Variants in KIAA1755 observed in about 807,000 individuals in gnomAD.
The protein encoded by KIAA1755 is uncharacterized protein KIAA1755.
KIAA1755 carries 68 observed loss-of-function variants against 91.7 expected under a neutral mutation model. The ratio of observed to expected loss-of-function variants is 0.74; its 90% confidence interval spans 0.61 to 0.91. The LOEUF is 0.91. Among genes scored for constraint, KIAA1755 ranks in the 40% least tolerant of loss-of-function variants. The probability of loss-of-function intolerance (pLI) is 0.00; values close to 1 mark genes in which losing one functional copy is unlikely to be tolerated. For missense variants in KIAA1755, 1,535 were observed against 1,494.4 expected, an observed-to-expected ratio of 1.03 and a Z score of -0.45; for synonymous variants, 610 against 604.6, an observed-to-expected ratio of 1.01 and a Z score of -0.13.
At chr20:38,239,140 G>A (rs1475981347) in intron 4 of KIAA1755, among the ~76,000 whole-genome samples, 1 of 152,190 alleles carries the variant, frequency 6.6e-6, no homozygotes, top group Admixed American at 6.5e-5. Context: ...TCTCCTTGGG[G>A]TCAGCCCACA....
At chr20:38,230,224 A>C (rs1354690698) in intron 5 of KIAA1755, among the ~76,000 whole-genome samples, 1 of 152,244 alleles carries the variant, frequency 6.6e-6, no homozygotes, top group South Asian at 2.1e-4. Flanking sequence ...GAGTCCACTC[A>C]TCATTCATTC....
chr20:38,236,022 G>C (rs1406730061), intron 4 of KIAA1755, among the ~76,000 whole-genome samples: 1 of 152,208 alleles, frequency 6.6e-6, no homozygotes, highest in Admixed American at 6.5e-5. Context: ...AGACACCAGC[G>C]AGGAGACCAC....
chr20:38,217,705 C>T (rs73106442), intron 12 of KIAA1755: 35 of 577,646 alleles, frequency 6.1e-5, no homozygotes, highest in African/African-American at 4.8e-4. Flanking sequence ...TCCAGGCCCT[C>T]GCCATGGCAG....
chr20:38,227,108 G>A (rs533981295), intron 7 of KIAA1755, 46 bp downstream of exon 7: 1 of 1,456,656 alleles, frequency 6.9e-7, no homozygotes, highest in Non-Finnish European at 9.6e-7. Context: ...CTCAGCTCGA[G>A]CCCAACAACT....
intron 3 of KIAA1755, among the ~76,000 whole-genome samples, chr20:38,240,090 CCTTCCTTCCTTCCTTCCGT>C (rs1403742521): frequency 6.6e-6 from 1 of 152,044 alleles, no homozygotes. Flanking sequence ...TTCTTTCCTT[CCTTCCTTCCTTCCTTCCGT>C]CTTCCTTCCT....
At chr20:38,231,588 A>C (rs1425735571) in intron 4 of KIAA1755, among the ~76,000 whole-genome samples, 2 of 152,164 alleles carry the variant, frequency 1.3e-5, no homozygotes, top group Non-Finnish European at 2.9e-5. Context: ...AGCTCATGGC[A>C]TGAGCTCTGG....
At position 38,245,942 on chromosome 20, in the gene KIAA1755, C is replaced by G. The variant is rs147419371; in HGVS notation, c.188G>C (p.Arg63Pro). 6.2e-7 allele frequency: 1 copy of G among 1,614,010 alleles called. No individual in the cohort carries two copies. The highest frequency in any genetic ancestry group is 8.5e-7 in the Non-Finnish European group (1 of 1,180,018). The change falls in exon 2 of 14, where the codon CGA becomes CCA. Residue 63 changes from arginine (R) to proline (P), a missense_variant. Coordinates refer to ENST00000279024, the MANE Select transcript of KIAA1755 (RefSeq NM_001029864.2). ...IPAKRLCEQV[R>P]EAACAPYSHC... is the part of the protein sequence containing the mutation. ...CTCTTGACTTACACAGGCTGCTTCT[C>G]GCACTTGCTCACACAGGCGCTTGGC...
At chr20:38,215,384 G>A (rs1349714331) in intron 13 of KIAA1755, among the ~76,000 whole-genome samples, 1 of 152,198 alleles carries the variant, frequency 6.6e-6, no homozygotes, top group Non-Finnish European at 1.5e-5. Flanking sequence ...GACCTTGTGG[G>A]CCGAGCCCGT....
chr20:38,225,750 C>A lies in KIAA1755; in HGVS notation c.2084G>T (p.Ser695Ile). The change falls in exon 8 of 14, where the codon AGC becomes ATC. Residue 695 changes from serine (S) to isoleucine (I), a missense_variant. Ser to Ile is a moderately radical substitution (Grantham distance 142). Coordinates refer to ENST00000279024, the MANE Select transcript of KIAA1755 (RefSeq NM_001029864.2). ...CAGCTGGCTGGGGTCCACATGGTGG[C>A]TGAGGGCCTTCAATGAGGTCAGCAC... ...VEVLTSLKALSHHVDPSQLPA... is the reference protein window; with the variant it reads ...VEVLTSLKALIHHVDPSQLPA... 6.3e-7 allele frequency: 1 copy of A among 1,596,904 alleles called. No homozygotes were observed.
chr20:38,229,004 C>T (rs888216499), intron 5 of KIAA1755, among the ~76,000 whole-genome samples: 4 of 152,206 alleles, frequency 2.6e-5, no homozygotes, highest in African/African-American at 4.8e-5. Flanking sequence ...CCCTACTCCT[C>T]TCCCATCCCC....
In KIAA1755 at chr20:38,210,590, G is replaced by A. The variant is rs2123029622; in HGVS notation, c.*2452C>T. On this transcript the variant is annotated 3_prime_UTR_variant, in exon 14 of 14. Coordinates refer to ENST00000279024, the MANE Select transcript of KIAA1755 (RefSeq NM_001029864.2). ...TCCCTTCTTCCCCAGGGGATGCAGT[G>A]AGGGGAGAGATTGTTGGGGTACAGT... The A allele has an allele frequency of 6.6e-6, 1 of 152,362 alleles. No individual in the cohort carries two copies. The highest frequency in any genetic ancestry group is 2.1e-4 in the South Asian group (1 of 4,834). The allele number at this position is 152,362 out of a possible 1,614,324, so 9.4% of individuals were successfully genotyped here.
chr20:38,231,433 C>T (rs1600604080), intron 4 of KIAA1755, 108 bp from the exon 5 acceptor site: 2 of 1,225,556 alleles, frequency 1.6e-6, no homozygotes, highest in Admixed American at 6.0e-5. Context: ...TTGCCTGGAA[C>T]ACCCTTTCTC....
chr20:38,216,833 C>A (rs760117004), intron 13 of KIAA1755: 16 of 472,976 alleles, frequency 3.4e-5, no homozygotes, highest in South Asian at 2.5e-4. Context: ...AATGTGCACT[C>A]CCCTCCCAAC....
At position 38,216,913 on chromosome 20, in the gene KIAA1755, G is replaced by C. The variant is rs1462622997; in HGVS notation, c.2901+340C>G. 4 of 551,164 alleles carry C rather than the reference G, an allele frequency of 7.3e-6. No homozygotes were observed. The Admixed American group carries it at 8.9e-5, about 12-fold the overall frequency. 34.1% of individuals were successfully genotyped at this position (551,164 alleles called of 1,614,324 possible). A position where few individuals can be genotyped will look rare whatever the true frequency, so the allele number is the denominator to read the frequency against. ...CTGTCGTCATTTCTCTTCTCTTTGG[G>C]GAAGCATATAAGGCATGTCACGGGG... On this transcript the variant is annotated intron_variant, in intron 13 of 13. Transcript: ENST00000279024.
rs979451487 is a variant in KIAA1755 at position 38,241,459 on chromosome 20, G to T, written c.672C>A (p.Asp224Glu). ...PQELHQASSP[D>E]NQVLPAQSLA... ...AACTCTGGGCAGGAAGCACCTGGTTGTCTGGGGAGCTGGCCTGGTGCAACT... is the reference window on the plus strand; with the variant it reads ...AACTCTGGGCAGGAAGCACCTGGTTTTCTGGGGAGCTGGCCTGGTGCAACT... Residue 224 changes from aspartate (D) to glutamate (E), a missense_variant, in exon 3 of 14, where the codon GAC becomes GAA. Coordinates refer to ENST00000279024, the MANE Select transcript of KIAA1755 (RefSeq NM_001029864.2). 1.2e-6 allele frequency: 2 copies of T among 1,614,100 alleles called. No homozygotes were observed. Among genetic ancestry groups the T allele is most frequent in the African/African-American group, 2.7e-5 (2 of 74,930 alleles).
At chr20:38,239,755 C>A (rs117808495) in intron 3 of KIAA1755, 30 bp from the exon 4 acceptor site, 1 of 1,595,932 alleles carries the variant, frequency 6.3e-7, no homozygotes, top group Admixed American at 1.7e-5. Flanking sequence ...AAGAAAAGGA[C>A]GTTAAGCAGA....
At chr20:38,237,928 C>T (rs143899614) in intron 4 of KIAA1755, among the ~76,000 whole-genome samples, 1 of 152,238 alleles carries the variant, frequency 6.6e-6, no homozygotes, top group Non-Finnish European at 1.5e-5. Context: ...CTCATTCACA[C>T]AGCAAATGCT....
chr20:38,225,683 C>T lies in KIAA1755; in HGVS notation c.2151G>A (p.Glu717=). The T allele has an allele frequency of 1.9e-6, 3 of 1,612,754 alleles. No homozygotes were observed. Among genetic ancestry groups the T allele is most frequent in the East Asian group, 2.2e-5 (1 of 44,840 alleles). Residue 717 remains glutamate, a synonymous_variant, in exon 8 of 14, where the codon GAG becomes GAA. Coordinates refer to ENST00000279024, the MANE Select transcript of KIAA1755 (RefSeq NM_001029864.2). The stretch of plus-strand genomic sequence containing the variant: ...TAAACACCTGGAAGAAATGAACCCA[C>T]TCGGTGTGGCAGTAGGGGAAGGGGC... ...LEGPFPYCHT[E]WVHFFQKLDP...
chr20:38,254,775 C>T (rs1305401372), intron 1 of KIAA1755, among the ~76,000 whole-genome samples: 1 of 150,568 alleles, frequency 6.6e-6, no homozygotes. Context: ...AGAGCGAGTC[C>T]CCAACTCCAA....
Sources: allele counts gnomAD v4.1 joint callset (sites outside exome capture counted in the v4.1 genomes callset), GRCh38; gene constraint gnomAD v4.1.1; transcripts MANE v1.5; gene names NCBI Gene and HGNC (gene_info 2026-07-23, HGNC 2026-07-21).